Variants in CAV3 observed in about 807,000 individuals in gnomAD.
CAV3 encodes caveolin-3.
In CAV3, 10 loss-of-function variants were observed where a neutral mutation model predicts 13.4. The ratio of observed to expected loss-of-function variants is 0.75; its 90% confidence interval spans 0.46 to 1.27. CAV3 has a LOEUF of 1.27. Ranked by LOEUF, CAV3 falls within the 50% of genes most tolerant of loss-of-function variation. The pLI, the probability that CAV3 is intolerant of heterozygous loss-of-function variation, is 0.00. For synonymous variants in CAV3, 90 were observed against 79.0 expected, an observed-to-expected ratio of 1.14 and a Z score of -0.74; for missense variants, 162 against 194.0, an observed-to-expected ratio of 0.83 and a Z score of 0.98.
Position 8,746,001 on chromosome 3 carries a change from G to T in CAV3, c.*134G>T, listed in dbSNP as rs949111902. On this transcript the variant is annotated 3_prime_UTR_variant, in exon 2 of 2. Transcript: ENST00000343849. The stretch of plus-strand genomic sequence containing the variant: ...CTCCATACCCCATGATGGAGCACAC[G>T]GTGTAGGGAAGCCAGAAAGAAAAGA... 1.5e-6 allele frequency: 1 copy of T among 677,920 alleles called. No individual in the cohort carries two copies. 42.0% of individuals were successfully genotyped at this position (677,920 alleles called of 1,614,324 possible).
At chr3:8,734,171 G>A (rs748761384) in intron 1 of CAV3, among the ~76,000 whole-genome samples, 181 bp downstream of exon 1, 20 of 115,864 alleles carry the variant, frequency 1.7e-4, no homozygotes, top group Non-Finnish European at 3.2e-4. Flanking sequence ...CTAAATCACC[G>A]AAGGATCTTT....
chr3:8,739,885 C>T (rs1342506166), intron 1 of CAV3, among the ~76,000 whole-genome samples: 2 of 152,130 alleles, frequency 1.3e-5, no homozygotes, highest in African/African-American at 4.8e-5. Context: ...GCCTCTCATG[C>T]AGCTACAGTC....
intron 1 of CAV3, among the ~76,000 whole-genome samples, chr3:8,741,982 C>G (rs1290073770): frequency 6.6e-6 from 1 of 152,228 alleles, no homozygotes; most frequent in African/African-American, 2.4e-5. Context: ...CTCTCTCCAA[C>G]TGCACACAGT....
intron 1 of CAV3, among the ~76,000 whole-genome samples, chr3:8,741,133 C>T (rs879930680): frequency 6.6e-6 from 1 of 152,190 alleles, no homozygotes; most frequent in Non-Finnish European, 1.5e-5. Context: ...CATTTTACTT[C>T]CTACTTTGTA....
intron 1 of CAV3, chr3:8,742,441 T>C (rs1306306649): frequency 2.7e-5 from 12 of 449,698 alleles, no homozygotes; most frequent in Admixed American, 1.9e-4. Context: ...GGATTATTAC[T>C]GTAAGTACTG....
Position 8,736,803 on chromosome 3 carries a change from G to A in CAV3, c.114+2813G>A, listed in dbSNP as rs150538564. ...CCGCAAATAATTTTGTCCAGAGGAG[G>A]TGGTTATTTGGTATGTTTTGGACAT... On this transcript the variant is annotated intron_variant, in intron 1 of 1. Transcript: ENST00000343849. 1.1e-3 allele frequency among the ~76,000 whole-genome samples: 166 copies of A among 152,356 alleles called. 1 individual carries two copies. In the East Asian group the frequency reaches 0.027, roughly 25 times the overall value.
At chr3:8,744,449 T>A (rs1243098279) in intron 1 of CAV3, among the ~76,000 whole-genome samples, 3 of 95,736 alleles carry the variant, frequency 3.1e-5, no homozygotes, top group Non-Finnish European at 7.6e-5. Context: ...CGGCTAATTT[T>A]TTTTTTTTTT....
intron 1 of CAV3, among the ~76,000 whole-genome samples, chr3:8,735,179 A>T (rs998716572): frequency 6.6e-6 from 1 of 152,248 alleles, no homozygotes. Context: ...TGTTACCACA[A>T]GGAATTTAAA....
At chr3:8,737,213 C>A (rs1707786931) in intron 1 of CAV3, among the ~76,000 whole-genome samples, 1 of 152,124 alleles carries the variant, frequency 6.6e-6, no homozygotes, top group Non-Finnish European at 1.5e-5. Flanking sequence ...GGTGGCCTCA[C>A]AGGTGGTAGC....
chr3:8,737,994 T>TTC (rs1034560891), intron 1 of CAV3, among the ~76,000 whole-genome samples: 3 of 151,608 alleles, frequency 2.0e-5, no homozygotes, highest in Non-Finnish European at 2.9e-5. Flanking sequence ...CTGCTCTCTC[T>TTC]TCTCTCTCTC....
At position 8,745,812 on chromosome 3, in the gene CAV3, C is replaced by A. The variant is rs201267913; in HGVS notation, c.401C>A (p.Ala134Glu). Residue 134 changes from alanine to glutamate, a missense_variant, in exon 2 of 2, where the codon GCG (alanine) becomes GAG (glutamate). Ala to Glu is a moderately radical substitution (Grantham distance 107). Transcript: ENST00000343849. The surrounding 1 kb of genome is among the most constrained non-coding windows in gnomAD (Gnocchi z 4.8). ...CIRTFCNPLF[A>E]ALGQVCSSIK... ...CGCACCTTCTGCAACCCACTCTTCG[C>A]GGCCCTGGGCCAGGTCTGCAGCAGC... 6.2e-7 allele frequency: 1 copy of A among 1,613,810 alleles called. No individual in the cohort carries two copies. Among genetic ancestry groups the A allele is most frequent in the Admixed American group, 1.7e-5 (1 of 60,032 alleles).
At chr3:8,739,598 T>A (rs1431136375) in intron 1 of CAV3, among the ~76,000 whole-genome samples, 1 of 145,384 alleles carries the variant, frequency 6.9e-6, no homozygotes, top group Non-Finnish European at 1.5e-5. Context: ...CCAGCCTGGA[T>A]AACAAGAGCA....
chr3:8,745,061 C>A lies in CAV3; in HGVS notation c.115-465C>A, dbSNP rs141619280. 44 of 165,610 alleles carry A rather than the reference C, an allele frequency of 2.7e-4. No individual in the cohort carries two copies. The highest frequency in any genetic ancestry group is 9.8e-4 in the African/African-American group (41 of 41,778). 10.3% of individuals were successfully genotyped at this position (165,610 alleles called of 1,614,324 possible). A position where few individuals can be genotyped will look rare whatever the true frequency, so the allele number is the denominator to read the frequency against. On this transcript the variant is annotated intron_variant, in intron 1 of 1. Transcript: ENST00000343849. This position sits in a 1 kb window ranked among gnomAD's most constrained non-coding sequence, Gnocchi z 4.8. ...TAATCTCCAATATTGGAGGTGGGGC[C>A]GGGTGGGAGGTGATCGGATCACAGA...
At chr3:8,743,191 G>A (rs1265147555) in intron 1 of CAV3, among the ~76,000 whole-genome samples, 1 of 152,120 alleles carries the variant, frequency 6.6e-6, no homozygotes, top group Non-Finnish European at 1.5e-5. Flanking sequence ...CTTCAACACT[G>A]GGGATCACAT....
In CAV3 at chr3:8,745,990, A is replaced by G. The variant is rs1057523715; in HGVS notation, c.*123A>G. Reference sequence around the variant, plus strand: ...TTTAGGGACTGCTCCATACCCCATGATGGAGCACACGGTGTAGGGAAGCCA... The same window carrying G: ...TTTAGGGACTGCTCCATACCCCATGGTGGAGCACACGGTGTAGGGAAGCCA... On this transcript the variant is annotated 3_prime_UTR_variant, in exon 2 of 2. Transcript: ENST00000343849. This position sits in a 1 kb window ranked among gnomAD's most constrained non-coding sequence, Gnocchi z 4.8. The G allele has an allele frequency of 6.8e-6, 5 of 731,652 alleles. No homozygotes were observed. Among genetic ancestry groups the G allele is most frequent in the Admixed American group, 2.6e-5 (1 of 37,808 alleles). 45.3% of individuals were successfully genotyped at this position (731,652 alleles called of 1,614,324 possible).
At position 8,740,817 on chromosome 3, in the gene CAV3, AC is replaced by A. The variant is rs1707932050; in HGVS notation, c.115-4707del. Among the ~76,000 whole-genome samples, 12 of 152,026 alleles carry A rather than the reference AC, an allele frequency of 7.9e-5. 1 individual carries two copies. In the South Asian group the frequency reaches 2.5e-3, roughly 32 times the overall value. On this transcript the variant is annotated intron_variant, in intron 1 of 1. Coordinates refer to ENST00000343849, the MANE Select transcript of CAV3 (RefSeq NM_033337.3). ...TCCAAGCTCCAGATGATGCCTGGCC[AC>A]CTCCTCCACCCATCAGAGCCAGCCT...
chr3:8,740,431 C>T (rs1233319397), intron 1 of CAV3, among the ~76,000 whole-genome samples: 1 of 152,112 alleles, frequency 6.6e-6, no homozygotes, highest in East Asian at 1.9e-4. Context: ...CCTCCCTATT[C>T]CAATATGCAC....
At chr3:8,739,224 G>A (rs1042158115) in intron 1 of CAV3, among the ~76,000 whole-genome samples, 2 of 152,172 alleles carry the variant, frequency 1.3e-5, no homozygotes, top group Non-Finnish European at 2.9e-5. Flanking sequence ...AGTGGTGGGG[G>A]CACTTACTAA....
At chr3:8,736,127 T>C (rs993934573) in intron 1 of CAV3, among the ~76,000 whole-genome samples, 1 of 152,198 alleles carries the variant, frequency 6.6e-6, no homozygotes, top group Non-Finnish European at 1.5e-5. Context: ...TCCATCAGTG[T>C]CATCTAGCAG....
Sources: gnomAD v4.1 joint callset for allele counts (sites outside exome capture counted in the v4.1 genomes callset) on GRCh38, gnomAD v4.1.1 for gene constraint, Gnocchi (gnomAD v3.1) non-coding constraint, MANE v1.5 for transcripts, NCBI Gene and HGNC (gene_info 2026-07-23, HGNC 2026-07-21) for gene names.